TMEM260: variants seen among roughly 807,000 people sequenced by gnomAD.
TMEM260 encodes protein O-mannosyl-transferase TMEM260.
In TMEM260, 82 loss-of-function variants were observed where a neutral mutation model predicts 88.9. The observed-to-expected ratio is 0.92, with a 90% CI of 0.77 to 1.11. The LOEUF is 1.11. Among genes scored for constraint, TMEM260 ranks in the 50% least tolerant of loss-of-function variants. The pLI, the probability that TMEM260 is intolerant of heterozygous loss-of-function variation, is 0.00. For missense variants in TMEM260, 902 were observed against 853.4 expected, an observed-to-expected ratio of 1.06 and a Z score of -0.71; for synonymous variants, 314 against 309.3, an observed-to-expected ratio of 1.02 and a Z score of -0.16.
intron 14 of TMEM260, among the ~76,000 whole-genome samples, chr14:56,635,729 A>G (rs570042838): frequency 6.6e-6 from 1 of 152,346 alleles, no homozygotes; most frequent in Non-Finnish European, 1.5e-5. Flanking sequence ...ATTGATGTCC[A>G]GTCTGAGCCA....
At chr14:56,657,436 C>G in the TMEM260 span, among the ~76,000 whole-genome samples, 1 of 151,284 alleles carries the variant, frequency 6.6e-6, no homozygotes, top group African/African-American at 2.5e-5. Context: ...AGCCACCATG[C>G]CCATCCCATT....
At chr14:56,587,698 A>G (rs960711223) in intron 3 of TMEM260, among the ~76,000 whole-genome samples, 1 of 152,082 alleles carries the variant, frequency 6.6e-6, no homozygotes, top group Non-Finnish European at 1.5e-5. Context: ...GGATCTAACA[A>G]TATTATCTCT....
the TMEM260 span, among the ~76,000 whole-genome samples, chr14:56,658,532 G>T: frequency 1.6e-3 from 241 of 151,036 alleles, 1 homozygote; most frequent in Non-Finnish European, 2.1e-3. Context: ...CACCGCACCC[G>T]GCCTTAATTT....
intron 1 of TMEM260, 92 bp from the exon 2 acceptor site, chr14:56,584,909 C>A: frequency 9.9e-7 from 1 of 1,007,900 alleles, no homozygotes; most frequent in Non-Finnish European, 1.5e-6. Context: ...CAAATTAATG[C>A]AAAACCCCAA....
At chr14:56,650,322 T>G (rs969425763), downstream of TMEM260, 3 of 284,562 alleles carry the variant, frequency 1.1e-5, no homozygotes, top group Admixed American at 1.4e-4. Context: ...CCTGCCGCCC[T>G]GGCACCAAGG....
In TMEM260 at chr14:56,636,574, T is replaced by TCAACTCTACGCTCAAGCATATGA; in HGVS notation, c.1847_1869dup (p.Leu624AsnfsTer22). ...CTCACATGCCTTCAAAAGTGAAAGC[T>TCAACTCTACGCTCAAGCATATGA]CAACTCTACGCTCAAGCATATGACG... On this transcript the variant is annotated frameshift_variant, in exon 15 of 16. Coordinates refer to ENST00000261556, the MANE Select transcript of TMEM260 (RefSeq NM_017799.4). LOFTEE classifies it high-confidence loss of function. 6.2e-7 allele frequency: 1 copy of TCAACTCTACGCTCAAGCATATGA among 1,613,986 alleles called. No individual in the cohort carries two copies. The highest frequency in any genetic ancestry group is 8.5e-7 in the Non-Finnish European group (1 of 1,179,944).
At chr14:56,607,689 T>C (rs970444732) in intron 5 of TMEM260, among the ~76,000 whole-genome samples, 4 of 152,178 alleles carry the variant, frequency 2.6e-5, no homozygotes, top group African/African-American at 7.2e-5. Context: ...TATGTACATA[T>C]ATACATAGGG....
intron 12 of TMEM260, among the ~76,000 whole-genome samples, chr14:56,627,673 T>G (rs934212251): frequency 6.6e-6 from 1 of 152,206 alleles, no homozygotes; most frequent in Non-Finnish European, 1.5e-5. Flanking sequence ...CCCAAAGGGA[T>G]GGACCATCAT....
chr14:56,607,626 A>G (rs114998962), intron 5 of TMEM260, among the ~76,000 whole-genome samples: 2,877 of 152,264 alleles, frequency 0.019, 85 homozygotes, highest in African/African-American at 0.065. Flanking sequence ...GTGTGTATAT[A>G]TACACAGATG....
chr14:56,608,389 A>G (rs1010540827), intron 5 of TMEM260, among the ~76,000 whole-genome samples: 2 of 152,360 alleles, frequency 1.3e-5, no homozygotes, highest in Admixed American at 6.5e-5. Flanking sequence ...ATCAGAATTC[A>G]TATTATTTTG....
downstream of TMEM260, among the ~76,000 whole-genome samples, chr14:56,655,004 G>T (rs10136098): frequency 3.9e-5 from 6 of 152,060 alleles, no homozygotes; most frequent in Non-Finnish European, 8.8e-5. Context: ...AGTAAAAATA[G>T]TAATAATAGC....
intron 6 of TMEM260, among the ~76,000 whole-genome samples, chr14:56,611,597 A>C (rs990255379): frequency 2.0e-5 from 3 of 152,206 alleles, no homozygotes; most frequent in African/African-American, 7.2e-5. Context: ...GTGGGAGTGT[A>C]AATTAGTTCA....
chr14:56,649,111 A>ATAGT lies in TMEM260; in HGVS notation c.*1616_*1619dup, dbSNP rs1286998858. Reference sequence around the variant, plus strand: ...GAGCGGAACCTTTTGAAGAGTGTCAATAGTTGTAACAGTTCAGCTGTTAGG... The same window carrying ATAGT: ...GAGCGGAACCTTTTGAAGAGTGTCAATAGTTAGTTGTAACAGTTCAGCTGTTAGG... On this transcript the variant is annotated 3_prime_UTR_variant, in exon 16 of 16. Coordinates refer to ENST00000261556, the MANE Select transcript of TMEM260 (RefSeq NM_017799.4). 1 of 152,648 alleles carries ATAGT rather than the reference A, an allele frequency of 6.6e-6. No individual in the cohort carries two copies. The highest frequency in any genetic ancestry group is 1.5e-5 in the Non-Finnish European group (1 of 68,052). 9.5% of individuals were successfully genotyped at this position (152,648 alleles called of 1,614,324 possible).
chr14:56,659,476 G>C, the TMEM260 span, among the ~76,000 whole-genome samples: 1 of 152,140 alleles, frequency 6.6e-6, no homozygotes, highest in Non-Finnish European at 1.5e-5. Context: ...GGTAGCTCTC[G>C]ACCCTGGGCC....
At chr14:56,598,993 G>T (rs1886407275) in intron 3 of TMEM260, among the ~76,000 whole-genome samples, 1 of 152,178 alleles carries the variant, frequency 6.6e-6, no homozygotes, top group Admixed American at 6.5e-5. Context: ...TAACTGGCCT[G>T]TTCCATCCAC....
chr14:56,586,041 A>C, intron 3 of TMEM260, 129 bp downstream of exon 3: 1 of 973,622 alleles, frequency 1.0e-6, no homozygotes, highest in Non-Finnish European at 1.5e-6. Flanking sequence ...TCACTTTCTT[A>C]ATTTATAATA....
intron 15 of TMEM260, among the ~76,000 whole-genome samples, chr14:56,640,690 T>A (rs1390566775): frequency 6.6e-6 from 1 of 152,042 alleles, no homozygotes; most frequent in Non-Finnish European, 1.5e-5. Context: ...AAGATCAAAC[T>A]ACTCCAAGCT....
chr14:56,661,231 C>A, the TMEM260 span, among the ~76,000 whole-genome samples: 3 of 151,252 alleles, frequency 2.0e-5, no homozygotes, highest in African/African-American at 7.3e-5. Flanking sequence ...CACCCCTCCT[C>A]CTCCTAGACT....
At chr14:56,610,185 AC>A (rs568432827) in intron 6 of TMEM260, among the ~76,000 whole-genome samples, 3 of 152,004 alleles carry the variant, frequency 2.0e-5, no homozygotes, top group Non-Finnish European at 4.4e-5. Flanking sequence ...TTTGGGAGAT[AC>A]CTTATGATAT....
Sources: allele counts gnomAD v4.1 joint callset (sites outside exome capture counted in the v4.1 genomes callset), GRCh38; gene constraint gnomAD v4.1.1; transcripts MANE v1.5; gene names NCBI Gene and HGNC (gene_info 2026-07-23, HGNC 2026-07-21).